ABCA12: variants seen among roughly 807,000 people sequenced by gnomAD.
ABCA12 encodes the protein glucosylceramide transporter ABCA12.
A neutral mutation model predicts 293.5 loss-of-function variants in ABCA12; 156 were observed. The ratio of observed to expected loss-of-function variants is 0.53; its 90% CI spans 0.47 to 0.61. The LOEUF (loss-of-function observed/expected upper bound fraction) is 0.61. ABCA12 is among the 20% of genes least tolerant of loss of function. The pLI, the probability that ABCA12 is intolerant of heterozygous loss-of-function variation, is 0.00. For synonymous variants in ABCA12, 1,063 were observed against 1,108.0 expected (o/e 0.96, Z 0.81); for missense variants, 2,797 against 3,090.2 (o/e 0.91, Z 2.25).
intron 39 of ABCA12, among the ~76,000 whole-genome samples, chr2:214,964,888 A>G (rs1376153999): frequency 1.3e-5 from 2 of 152,186 alleles, no homozygotes; most frequent in African/African-American, 4.8e-5. Flanking sequence ...TAAAATTCAT[A>G]CAGAACCAAA....
chr2:215,045,849 C>G lies in ABCA12; in HGVS notation c.860G>C (p.Arg287Pro). ...TSLSNLFDVL[R>P]KANSVLLVVQ... ...TACATTTTCTTACCTGTTTGCCTTT[C>G]GAAGAACATCAAATAGATTGCTTAG... The change falls in exon 7 of 53, where the codon CGA (arginine) becomes CCA (proline). Residue 287 changes from arginine to proline, a missense_variant. Transcript: ENST00000272895. 6.2e-7 allele frequency: 1 copy of G among 1,613,162 alleles called. No homozygotes were observed. The highest frequency in any genetic ancestry group is 8.5e-7 in the Non-Finnish European group (1 of 1,179,576).
chr2:214,955,024 A>G (rs1253527598), intron 43 of ABCA12, among the ~76,000 whole-genome samples, 178 bp downstream of exon 43: 1 of 152,230 alleles, frequency 6.6e-6, no homozygotes, highest in Non-Finnish European at 1.5e-5. Context: ...CTCAATACAT[A>G]CAATGATAGG....
chr2:215,030,082 G>T (rs1700839354), intron 9 of ABCA12: 1 of 152,120 alleles, frequency 6.6e-6, no homozygotes, highest in Non-Finnish European at 1.5e-5. Flanking sequence ...CAACTTAGAA[G>T]TATGGAATTC....
intron 2 of ABCA12, among the ~76,000 whole-genome samples, chr2:215,110,581 A>G (rs984455247): frequency 1.3e-5 from 2 of 152,220 alleles, no homozygotes; most frequent in Non-Finnish European, 2.9e-5. Context: ...TCTAGCACCA[A>G]CAGTTTAAAT....
At chr2:215,001,455 A>T in intron 21 of ABCA12, 103 bp downstream of exon 21, 1 of 1,409,752 alleles carries the variant, frequency 7.1e-7, no homozygotes, top group Non-Finnish European at 1.0e-6. Flanking sequence ...GGACCTAAGG[A>T]CCCCCACACT....
At chr2:215,024,959 C>T (rs1700706420) in intron 11 of ABCA12, among the ~76,000 whole-genome samples, 1 of 152,084 alleles carries the variant, frequency 6.6e-6, no homozygotes, top group Non-Finnish European at 1.5e-5. Flanking sequence ...TTCCCACATT[C>T]TCTAGTATCA....
chr2:215,074,782 A>T (rs1340834245), intron 2 of ABCA12, among the ~76,000 whole-genome samples: 1 of 151,968 alleles, frequency 6.6e-6, no homozygotes. Context: ...TCTCTACTAA[A>T]AATACAAAAA....
intron 2 of ABCA12, among the ~76,000 whole-genome samples, chr2:215,065,297 T>TAAAAAAAAAAAAAAAAAAAAAAAA (rs66466863): frequency 4.4e-5 from 2 of 45,126 alleles, no homozygotes; most frequent in Admixed American, 3.2e-4. Flanking sequence ...CATGAATGTG[T>TAAAAAAAAAAAAAAAAAAAAAAAA]AAAAAAAAAA....
intron 1 of ABCA12, among the ~76,000 whole-genome samples, chr2:215,118,824 G>T (rs1702741291): frequency 6.6e-6 from 1 of 152,068 alleles, no homozygotes; most frequent in Non-Finnish European, 1.5e-5. Flanking sequence ...AGAAGTGTCT[G>T]TTCATGTCTT....
intron 2 of ABCA12, among the ~76,000 whole-genome samples, chr2:215,100,421 C>T (rs540590405): frequency 2.0e-5 from 3 of 152,210 alleles, no homozygotes; most frequent in Admixed American, 1.3e-4. Flanking sequence ...TTCTCAATTA[C>T]CCTAATTCGC....
At chr2:215,126,850 T>C (rs1224582944) in intron 1 of ABCA12, among the ~76,000 whole-genome samples, 1 of 152,174 alleles carries the variant, frequency 6.6e-6, no homozygotes, top group Non-Finnish European at 1.5e-5. Context: ...TTTGGTTTGT[T>C]CTTGTTTCTC....
At chr2:215,095,035 G>A (rs76717941) in intron 2 of ABCA12, among the ~76,000 whole-genome samples, 8,449 of 152,020 alleles carry the variant, frequency 0.056, 745 homozygotes, top group African/African-American at 0.19. Flanking sequence ...AAATAGGACC[G>A]AACAGTGCCC....
At chr2:214,960,162 A>G (rs1699073923) in intron 39 of ABCA12, among the ~76,000 whole-genome samples, 1 of 152,164 alleles carries the variant, frequency 6.6e-6, no homozygotes, top group African/African-American at 2.4e-5. Context: ...ACTCTTGTAT[A>G]TTAAAGAAAA....
intron 23 of ABCA12, among the ~76,000 whole-genome samples, chr2:214,995,542 T>C (rs1222896017): frequency 6.6e-6 from 1 of 152,126 alleles, no homozygotes; most frequent in African/African-American, 2.4e-5. Context: ...ATTAACTAGC[T>C]CCAAGGTCTT....
At chr2:214,992,298 C>A (rs1699928443) in intron 23 of ABCA12, among the ~76,000 whole-genome samples, 1 of 151,546 alleles carries the variant, frequency 6.6e-6, no homozygotes, top group African/African-American at 2.4e-5. Context: ...GAAAAATTAG[C>A]CAGGAGTGGT....
intron 39 of ABCA12, among the ~76,000 whole-genome samples, chr2:214,963,674 G>T (rs1048075219): frequency 1.3e-5 from 2 of 150,236 alleles, no homozygotes; most frequent in African/African-American, 4.9e-5. Flanking sequence ...AGCACTTTGG[G>T]AGCCCAAGGC....
At chr2:215,083,254 C>T (rs1701977714) in intron 2 of ABCA12, among the ~76,000 whole-genome samples, 1 of 152,182 alleles carries the variant, frequency 6.6e-6, no homozygotes, top group Admixed American at 6.5e-5. Context: ...TCAGCAACAC[C>T]TAGAGTCACC....
chr2:215,015,692 A>C lies in ABCA12; in HGVS notation c.1783-29T>G. On this transcript the variant is annotated intron_variant, in intron 14 of 52. Coordinates refer to ENST00000272895, the MANE Select transcript of ABCA12 (RefSeq NM_173076.3). ...CAAATGGAGGAAGAAAAATATTTCA[A>C]CTGTGAATCATTCGAGAGTCAACTG... 3 of 1,603,880 alleles carry C rather than the reference A, an allele frequency of 1.9e-6. No homozygotes were observed. In the South Asian group the frequency reaches 3.3e-5, roughly 18 times the overall value.
chr2:215,024,716 T>G (rs1356265240), intron 11 of ABCA12, among the ~76,000 whole-genome samples: 2 of 152,194 alleles, frequency 1.3e-5, no homozygotes, highest in African/African-American at 4.8e-5. Flanking sequence ...ACTATACAAG[T>G]CATCTTGCTT....
Sources: gnomAD v4.1 joint callset for allele counts (sites outside exome capture counted in the v4.1 genomes callset) on GRCh38, gnomAD v4.1.1 for gene constraint, MANE v1.5 for transcripts, NCBI Gene and HGNC (gene_info 2026-07-23, HGNC 2026-07-21) for gene names.